Variants in SH2D4B observed in about 807,000 individuals in gnomAD.
SH2D4B encodes the protein SH2 domain-containing protein 4B.
In SH2D4B, 45 loss-of-function variants were observed where a neutral mutation model predicts 61.5. The observed-to-expected ratio is 0.73, with a 90% CI of 0.58 to 0.94. The LOEUF (loss-of-function observed/expected upper bound fraction) is 0.94, where lower values mean the gene tolerates loss of function less well. SH2D4B is among the 40% of genes least tolerant of loss of function. SH2D4B has a pLI of 0.00. For synonymous variants in SH2D4B, 224 were observed against 220.4 expected, an observed-to-expected ratio of 1.02 and a Z score of -0.14; for missense variants, 572 against 574.2, an observed-to-expected ratio of 1.00 and a Z score of 0.04.
chr10:80,547,198 A>G (rs1841690968), intron 1 of SH2D4B, among the ~76,000 whole-genome samples: 1 of 152,182 alleles, frequency 6.6e-6, no homozygotes, highest in Non-Finnish European at 1.5e-5. Context: ...GATTTGTCCA[A>G]TCAAGCAGCG....
At chr10:80,556,122 T>A (rs1435674819) in intron 1 of SH2D4B, among the ~76,000 whole-genome samples, 1 of 151,236 alleles carries the variant, frequency 6.6e-6, no homozygotes, top group Non-Finnish European at 1.5e-5. Context: ...ATGGTGCAAA[T>A]TAAGAGTCAA....
At chr10:80,637,103 A>G (rs1840193321) in intron 7 of SH2D4B, among the ~76,000 whole-genome samples, 1 of 152,036 alleles carries the variant, frequency 6.6e-6, no homozygotes, top group African/African-American at 2.4e-5. Flanking sequence ...GGTTGTAGAT[A>G]TGTGGTGTTA....
At chr10:80,577,166 C>T (rs1206657454) in intron 3 of SH2D4B, among the ~76,000 whole-genome samples, 1 of 152,200 alleles carries the variant, frequency 6.6e-6, no homozygotes, top group African/African-American at 2.4e-5. Context: ...AGAATCCCTA[C>T]TACCCTACAC....
chr10:80,571,500 G>C lies in SH2D4B; in HGVS notation c.417G>C (p.Leu139Phe), dbSNP rs1308999589. ...DALANEKARILAEKWKVEMED... is the reference protein window; with the variant it reads ...DALANEKARIFAEKWKVEMED... ...TGGCCAATGAGAAAGCCCGGATCTT[G>C]GCGGAGAAGTGGAAAGTGGAGATGG... is the stretch of plus-strand genomic sequence containing the variant. The change falls in exon 3 of 8, where the codon TTG (leucine) becomes TTC (phenylalanine). Residue 139 changes from leucine to phenylalanine, a missense_variant. Transcript: ENST00000646907. The C allele has an allele frequency of 6.2e-7, 1 of 1,614,046 alleles. No individual in the cohort carries two copies. Among genetic ancestry groups the C allele is most frequent in the Non-Finnish European group, 8.5e-7 (1 of 1,180,038 alleles).
chr10:80,544,199 A>G (rs1231947925), intron 1 of SH2D4B, among the ~76,000 whole-genome samples: 1 of 152,148 alleles, frequency 6.6e-6, no homozygotes, highest in East Asian at 1.9e-4. Context: ...AGCCAGCAAG[A>G]CCGCGAGCCC....
chr10:80,549,203 T>TGTG (rs59438371), intron 1 of SH2D4B, among the ~76,000 whole-genome samples: 45,250 of 119,998 alleles, frequency 0.38, 8,657 homozygotes, highest in Non-Finnish European at 0.43. Context: ...TGGGACTTGA[T>TGTG]TGTGTGTGTG....
At chr10:80,590,319 A>G (rs1445767684) in intron 4 of SH2D4B, among the ~76,000 whole-genome samples, 1 of 152,138 alleles carries the variant, frequency 6.6e-6, no homozygotes, top group Non-Finnish European at 1.5e-5. Context: ...AAAGCCCAAC[A>G]AGGGAGGTAG....
chr10:80,644,049 G>A lies in SH2D4B; in HGVS notation c.1266G>A (p.Arg422=). ...TACTTCAGGAACCCTGCGGACAGAG[G>A]GACAGCCCACCAGACTACCATCTGT... is the stretch of plus-strand genomic sequence containing the variant. ...GELLQEPCGQ[R]DSPPDYHLLF... is the part of the protein sequence containing the mutation. The change falls in exon 8 of 8, where the codon AGG becomes AGA. Residue 422 remains arginine (R), a synonymous_variant. Coordinates refer to ENST00000646907, the MANE Select transcript of SH2D4B (RefSeq NM_001388272.1). 2 of 1,613,836 alleles carry A rather than the reference G, an allele frequency of 1.2e-6. No individual in the cohort carries two copies. The highest frequency in any genetic ancestry group is 1.7e-6 in the Non-Finnish European group (2 of 1,179,900).
chr10:80,599,767 T>C (rs1248624418), intron 4 of SH2D4B, among the ~76,000 whole-genome samples: 1 of 152,154 alleles, frequency 6.6e-6, no homozygotes, highest in Non-Finnish European at 1.5e-5. Context: ...AACCCATTCT[T>C]CCACCAAGGG....
intron 5 of SH2D4B, chr10:80,607,601 T>C (rs1392140061): frequency 6.6e-6 from 1 of 152,256 alleles, no homozygotes; most frequent in Non-Finnish European, 1.5e-5. Flanking sequence ...CATGTGTGAA[T>C]GTATTCAGTT....
intron 3 of SH2D4B, 92 bp from the exon 4 acceptor site, chr10:80,588,538 C>T: frequency 6.6e-7 from 1 of 1,524,092 alleles, no homozygotes; most frequent in Non-Finnish European, 8.9e-7. Context: ...CACTCTCAGC[C>T]CCATCCACTG....
rs574268859 is a variant in SH2D4B at position 80,566,576 on chromosome 10, G to T, written c.185-3578G>T. On this transcript the variant is annotated intron_variant, in intron 1 of 7. Transcript: ENST00000646907. Reference sequence around the variant, plus strand: ...CTTCCAAAGCGCTGGGATTACATGCGTGAGCCACTGCGCCCTGCCAAATCA... The same window carrying T: ...CTTCCAAAGCGCTGGGATTACATGCTTGAGCCACTGCGCCCTGCCAAATCA... 9.2e-5 allele frequency among the ~76,000 whole-genome samples: 14 copies of T among 152,214 alleles called. No individual in the cohort carries two copies. In the South Asian group the frequency reaches 2.5e-3, roughly 27 times the overall value.
intron 1 of SH2D4B, among the ~76,000 whole-genome samples, chr10:80,569,455 C>A (rs1365842098): frequency 6.7e-6 from 1 of 148,930 alleles, no homozygotes; most frequent in Non-Finnish European, 1.5e-5. Context: ...GGAGACCCAG[C>A]GAACCGAGAA....
In SH2D4B at chr10:80,611,639, A is replaced by G. The variant is rs1263933445; in HGVS notation, c.988+2088A>G. On this transcript the variant is annotated intron_variant, in intron 6 of 7. Transcript: ENST00000646907. Reference sequence around the variant, plus strand: ...ATGGTCATGGAAGTGCAGCACTGGCATCTTAGGGAGCTGTGGAGTGTAACT... The same window carrying G: ...ATGGTCATGGAAGTGCAGCACTGGCGTCTTAGGGAGCTGTGGAGTGTAACT... 3.9e-5 allele frequency among the ~76,000 whole-genome samples: 6 copies of G among 152,196 alleles called. No homozygotes were observed. In the East Asian group the frequency reaches 1.2e-3, roughly 29 times the overall value.
At chr10:80,581,729 C>T (rs1007554506) in intron 3 of SH2D4B, among the ~76,000 whole-genome samples, 4 of 152,138 alleles carry the variant, frequency 2.6e-5, no homozygotes, top group African/African-American at 7.2e-5. Context: ...TGTGGTACTT[C>T]GTTATGGCGG....
chr10:80,551,713 C>G (rs1183006073), intron 1 of SH2D4B, among the ~76,000 whole-genome samples: 1 of 152,168 alleles, frequency 6.6e-6, no homozygotes, highest in South Asian at 2.1e-4. Context: ...AGATTCTCTC[C>G]CACACTACAA....
chr10:80,589,000 C>CTTTTTTT (rs200753787), intron 4 of SH2D4B, among the ~76,000 whole-genome samples: 1 of 147,084 alleles, frequency 6.8e-6, no homozygotes, highest in African/African-American at 2.5e-5. Context: ...TTTTCTTTTT[C>CTTTTTTT]TTTTTTTTTT....
At chr10:80,591,505 C>CTT (rs763446349) in intron 4 of SH2D4B, among the ~76,000 whole-genome samples, 1,306 of 108,884 alleles carry the variant, frequency 0.012, 68 homozygotes, top group African/African-American at 0.037. Context: ...GCCAAACTGG[C>CTT]TTTTTTTTTT....
At chr10:80,593,015 G>A (rs548375522) in intron 4 of SH2D4B, among the ~76,000 whole-genome samples, 1 of 152,040 alleles carries the variant, frequency 6.6e-6, no homozygotes, top group African/African-American at 2.4e-5. Flanking sequence ...CACCATGCCT[G>A]GCCTGTTTCT....
Sources: gnomAD v4.1 joint callset for allele counts (sites outside exome capture counted in the v4.1 genomes callset) on GRCh38, gnomAD v4.1.1 for gene constraint, MANE v1.5 for transcripts, NCBI Gene and HGNC (gene_info 2026-07-23, HGNC 2026-07-21) for gene names.